PCDH15: variants seen among roughly 807,000 people sequenced by gnomAD.
PCDH15 encodes the protein protocadherin-15.
A neutral mutation model predicts 178.5 loss-of-function variants in PCDH15; 129 were observed. The observed-to-expected ratio is 0.72, with a 90% CI of 0.63 to 0.84. The LOEUF (loss-of-function observed/expected upper bound fraction) is 0.84, where lower values mean the gene tolerates loss of function less well. Ranked by LOEUF, PCDH15 falls within the 40% of genes least tolerant of loss-of-function variation. The pLI, the probability that PCDH15 is intolerant of heterozygous loss-of-function variation, is 0.00. For missense variants in PCDH15, 2,230 were observed against 2,099.9 expected (o/e 1.06, Z -1.21); for synonymous variants, 800 against 732.0 (o/e 1.09, Z -1.50).
intron 17 of PCDH15, among the ~76,000 whole-genome samples, chr10:54,068,076 T>G (rs1201720401): frequency 1.3e-5 from 2 of 152,122 alleles, no homozygotes; most frequent in African/African-American, 4.8e-5. Context: ...TCATGGTGCT[T>G]GGGAAAAAGA....
At chr10:54,336,390 A>T (rs1941132153) in intron 6 of PCDH15, among the ~76,000 whole-genome samples, 1 of 152,186 alleles carries the variant, frequency 6.6e-6, no homozygotes. Context: ...CCCTCCCATC[A>T]TAGGCCAGGA....
intron 3 of PCDH15, among the ~76,000 whole-genome samples, chr10:54,835,247 A>C (rs1262644517): frequency 1.3e-5 from 2 of 152,190 alleles, no homozygotes; most frequent in East Asian, 3.9e-4. Context: ...GCAATGAATT[A>C]ATTCTAGAAT....
chr10:55,225,657 G>C (rs1041158681), intron 1 of PCDH15, among the ~76,000 whole-genome samples: 3 of 151,344 alleles, frequency 2.0e-5, no homozygotes, highest in African/African-American at 7.3e-5. Flanking sequence ...GTGTGAGAGA[G>C]AGAGAGAGAG....
intron 1 of PCDH15, among the ~76,000 whole-genome samples, chr10:55,214,963 A>G (rs992196961): frequency 6.6e-6 from 1 of 152,074 alleles, no homozygotes; most frequent in African/African-American, 2.4e-5. Context: ...TTTGAGAGAG[A>G]ACTCTTCTAC....
At position 54,275,473 on chromosome 10, in the gene PCDH15, A is replaced by C. The variant is rs527613158; in HGVS notation, c.877-38542T>G. ...ATCCAGAGTATTTCTTGTGCCCCTGATGATATGCCAATTCTCTGGACTCTA... is the reference window on the plus strand; with the variant it reads ...ATCCAGAGTATTTCTTGTGCCCCTGCTGATATGCCAATTCTCTGGACTCTA... On this transcript the variant is annotated intron_variant, in intron 8 of 37. Coordinates refer to ENST00000644397, the MANE Select transcript of PCDH15 (RefSeq NM_001384140.1). Among the ~76,000 whole-genome samples, 130 of 151,980 alleles carry C rather than the reference A, an allele frequency of 8.6e-4. 1 individual carries two copies. The highest frequency in any genetic ancestry group is 3.0e-3 in the African/African-American group (125 of 41,528).
At chr10:54,181,176 A>C (rs1296791735) in intron 13 of PCDH15, among the ~76,000 whole-genome samples, 1 of 152,136 alleles carries the variant, frequency 6.6e-6, no homozygotes, top group Non-Finnish European at 1.5e-5. Flanking sequence ...TATTTATGTA[A>C]ACTATGATTT....
At chr10:53,837,111 G>A (rs181904238) in intron 29 of PCDH15, among the ~76,000 whole-genome samples, 1 of 151,736 alleles carries the variant, frequency 6.6e-6, no homozygotes, top group Admixed American at 6.6e-5. Context: ...GGCGGGGGAG[G>A]GGAGCAGAGT....
chr10:54,331,185 A>T (rs569678281), intron 6 of PCDH15, among the ~76,000 whole-genome samples: 2 of 151,770 alleles, frequency 1.3e-5, no homozygotes, highest in African/African-American at 2.4e-5. Context: ...AGCTGATTCA[A>T]ATCTCTCAGC....
chr10:55,599,052 A>G (rs552546062), intron 2 of PCDH15, among the ~76,000 whole-genome samples: 3 of 152,322 alleles, frequency 2.0e-5, no homozygotes, highest in East Asian at 3.9e-4. Context: ...TGCAATAGAT[A>G]TAGTACCGTA....
intron 13 of PCDH15, 149 bp downstream of exon 13, chr10:54,183,295 C>T: frequency 1.2e-6 from 1 of 828,506 alleles, no homozygotes. Context: ...TGAAAAGTAA[C>T]AGAAATTTAA....
intron 1 of PCDH15, among the ~76,000 whole-genome samples, chr10:54,763,503 C>A (rs1202768484): frequency 6.6e-6 from 1 of 151,870 alleles, no homozygotes; most frequent in Non-Finnish European, 1.5e-5. Context: ...TTAATGGGAC[C>A]AAACATACAG....
rs199870625 is a variant in PCDH15, at chr10:54,051,240, G to C, written c.2220+15517C>G. 5.3e-5 allele frequency among the ~76,000 whole-genome samples: 8 copies of C among 152,330 alleles called. No homozygotes were observed. The East Asian group carries it at 9.6e-4, about 18-fold the overall frequency. On this transcript the variant is annotated intron_variant, in intron 18 of 37. Transcript: ENST00000644397. ...AATGTGGAGGCAAATTTGGAAGTGGGTAACAGGCAGAGGCTGGAACAGTTT... is the reference window on the plus strand; with the variant it reads ...AATGTGGAGGCAAATTTGGAAGTGGCTAACAGGCAGAGGCTGGAACAGTTT...
At chr10:54,521,585 A>T (rs1275626965) in intron 3 of PCDH15, among the ~76,000 whole-genome samples, 1 of 152,152 alleles carries the variant, frequency 6.6e-6, no homozygotes, top group East Asian at 1.9e-4. Context: ...ATGTAATATA[A>T]CAAAAATCAC....
chr10:55,302,652 T>C (rs2132279724), intron 1 of PCDH15, among the ~76,000 whole-genome samples: 1 of 152,148 alleles, frequency 6.6e-6, no homozygotes, highest in East Asian at 1.9e-4. Context: ...ACTCTGCTGA[T>C]TTAAACGGTT....
chr10:55,510,021 C>T (rs1211129574), intron 2 of PCDH15, among the ~76,000 whole-genome samples: 1 of 151,954 alleles, frequency 6.6e-6, no homozygotes, highest in African/African-American at 2.4e-5. Flanking sequence ...ATGAAAACTT[C>T]ACCACTATCT....
chr10:53,832,314 G>GA (rs1564566229), intron 29 of PCDH15, among the ~76,000 whole-genome samples: 1 of 151,880 alleles, frequency 6.6e-6, no homozygotes, highest in Non-Finnish European at 1.5e-5. Flanking sequence ...TTATGAGATT[G>GA]AAAAAATTTG....
chr10:54,329,317 C>A (rs899185159), intron 7 of PCDH15, among the ~76,000 whole-genome samples: 13 of 151,838 alleles, frequency 8.6e-5, no homozygotes, highest in Non-Finnish European at 8.8e-5. Context: ...TGTTAATTTG[C>A]AGGATCCTAC....
intron 2 of PCDH15, among the ~76,000 whole-genome samples, chr10:55,623,859 A>G (rs746170412): frequency 5.3e-5 from 8 of 152,044 alleles, no homozygotes; most frequent in Non-Finnish European, 1.2e-4. Context: ...CAATGTTTCC[A>G]TTAGTATTAA....
chr10:54,725,887 G>T (rs1942423662), intron 1 of PCDH15, among the ~76,000 whole-genome samples: 1 of 144,858 alleles, frequency 6.9e-6, no homozygotes, highest in Non-Finnish European at 1.5e-5. Context: ...TTCAGTTCTG[G>T]TAAAAAAAAA....
Sources: allele counts gnomAD v4.1 joint callset (sites outside exome capture counted in the v4.1 genomes callset), GRCh38; gene constraint gnomAD v4.1.1; transcripts MANE v1.5; gene names NCBI Gene and HGNC (gene_info 2026-07-23, HGNC 2026-07-21).